The following CELF6 variants were observed in gnomAD, a reference collection of about 807,000 sequenced individuals.
CELF6 encodes Bruno -like 6, RNA binding protein.
A neutral mutation model predicts 53.1 loss-of-function variants in CELF6; 32 were observed. The observed-to-expected ratio is 0.60, with a 90% CI of 0.46 to 0.81. The LOEUF (loss-of-function observed/expected upper bound fraction) is 0.81. Among genes scored for constraint, CELF6 ranks in the 30% least tolerant of loss-of-function variants. The pLI is 0.00. For synonymous variants in CELF6, 291 were observed against 288.8 expected (o/e 1.01, Z -0.08); for missense variants, 539 against 669.5 (o/e 0.81, Z 2.15).
At chr15:72,305,472 G>T (rs1306969574) in intron 2 of CELF6, among the ~76,000 whole-genome samples, 2 of 152,166 alleles carry the variant, frequency 1.3e-5, no homozygotes, top group African/African-American at 2.4e-5. Flanking sequence ...CTCCCAAAGT[G>T]CTGGGATTAC....
rs767694867 is a variant in CELF6, at chr15:72,288,447, G to C, written c.1179C>G (p.Pro393=). 4.3e-6 allele frequency: 7 copies of C among 1,614,102 alleles called. No individual in the cohort carries two copies. Among genetic ancestry groups the C allele is most frequent in the South Asian group, 2.2e-5 (2 of 91,076 alleles). Residue 393 remains proline (P), a synonymous_variant, in exon 11 of 13, where the codon CCC becomes CCG. Coordinates refer to ENST00000287202, the MANE Select transcript of CELF6 (RefSeq NM_052840.5). This position sits in a 1 kb window ranked among gnomAD's most constrained non-coding sequence, Gnocchi z 4.6. ...GATAGATGAAGAGGTTACAGCCTTC[G>C]GGGCCTGGAGGAACAGTAGCAAGCT... The part of the protein sequence containing the change: ...SALPQQQREG[P]EGCNLFIYHL...
chr15:72,310,591 C>A (rs2088282558), intron 2 of CELF6, among the ~76,000 whole-genome samples: 1 of 148,578 alleles, frequency 6.7e-6, no homozygotes, highest in Admixed American at 6.8e-5. Flanking sequence ...AGGGCTCAAG[C>A]AACCCTCCCA....
chr15:72,299,122 C>A (rs984379070), intron 3 of CELF6, among the ~76,000 whole-genome samples: 2 of 151,834 alleles, frequency 1.3e-5, no homozygotes, highest in African/African-American at 4.8e-5. Context: ...GCAGGAGAAT[C>A]TCTTGAACCC....
chr15:72,298,351 A>T (rs1422637750), intron 3 of CELF6, among the ~76,000 whole-genome samples: 3 of 152,254 alleles, frequency 2.0e-5, no homozygotes, highest in Non-Finnish European at 4.4e-5. Context: ...CAATTATAGG[A>T]TAGTGATAGG....
chr15:72,286,781 G>A (rs982306340), intron 12 of CELF6, among the ~76,000 whole-genome samples: 34 of 152,278 alleles, frequency 2.2e-4, no homozygotes, highest in African/African-American at 7.9e-4. Flanking sequence ...CATGTTCACT[G>A]CCACTATCTC....
intron 3 of CELF6, among the ~76,000 whole-genome samples, chr15:72,295,398 A>C (rs962692199): frequency 1.3e-5 from 2 of 151,902 alleles, no homozygotes; most frequent in African/African-American, 4.8e-5. Context: ...CCAGGAGGTG[A>C]AAGACTCATA....
Position 72,289,203 on chromosome 15 carries a change from G to A in CELF6, c.965C>T (p.Thr322Ile). The change falls in exon 8 of 13, where the codon ACC becomes ATC. Residue 322 changes from threonine to isoleucine, a missense_variant. Transcript: ENST00000287202. This position sits in a 1 kb window ranked among gnomAD's most constrained non-coding sequence, Gnocchi z 7.6. ...PIGVNGFGPLTPQTNGQPGSD... is the reference protein window; with the variant it reads ...PIGVNGFGPLIPQTNGQPGSD... ...GCCCGGCTGGCCATTGGTCTGGGGGGTCAGAGGGCCGAATCCATTGACCCC... is the reference window on the plus strand; with the variant it reads ...GCCCGGCTGGCCATTGGTCTGGGGGATCAGAGGGCCGAATCCATTGACCCC... The A allele has an allele frequency of 2.5e-6, 4 of 1,570,844 alleles. No individual in the cohort carries two copies. The highest frequency in any genetic ancestry group is 3.4e-6 in the Non-Finnish European group (4 of 1,166,778).
At chr15:72,305,860 T>G (rs75389178) in intron 2 of CELF6, among the ~76,000 whole-genome samples, 14 of 135,914 alleles carry the variant, frequency 1.0e-4, no homozygotes, top group Admixed American at 3.8e-4. Flanking sequence ...ATTTGTTTTT[T>G]TTTTTTTTTG....
At position 72,319,776 on chromosome 15, in the gene CELF6, G is replaced by A. The variant is rs953773713; in HGVS notation, c.99C>T (p.Asn33=). The A allele has an allele frequency of 7.0e-6, 11 of 1,577,920 alleles. No homozygotes were observed. The highest frequency in any genetic ancestry group is 9.5e-6 in the Non-Finnish European group (11 of 1,161,180). Residue 33 remains asparagine (N), a synonymous_variant, in exon 1 of 13, where the codon AAC becomes AAT. Transcript: ENST00000287202. The surrounding 1 kb of genome is among the most constrained non-coding windows in gnomAD (Gnocchi z 5.0). ...CCTTCATGGGTACGGCGGGACCGGG[G>A]TTTAGCCCGCTCATGCCGACGCCGC... The part of the protein sequence containing the change: ...ADSGVGMSGL[N]PGPAVPMKDH...
chr15:72,314,594 T>G (rs1163571237), intron 2 of CELF6, among the ~76,000 whole-genome samples: 4 of 142,416 alleles, frequency 2.8e-5, no homozygotes, highest in Middle Eastern at 3.4e-3. Context: ...CCAGTGTTTT[T>G]TTTTTTTTTT....
At chr15:72,305,367 C>T (rs989067231) in intron 2 of CELF6, among the ~76,000 whole-genome samples, 16 of 152,064 alleles carry the variant, frequency 1.1e-4, no homozygotes, top group Admixed American at 8.5e-4. Context: ...CCACCAGGCC[C>T]GGCTGATTTT....
chr15:72,300,206 C>G (rs997217503), intron 3 of CELF6, among the ~76,000 whole-genome samples: 3 of 151,720 alleles, frequency 2.0e-5, no homozygotes, highest in African/African-American at 7.3e-5. Flanking sequence ...AATAAAAATA[C>G]AAAAATTAGC....
At position 72,290,246 on chromosome 15, in the gene CELF6, T is replaced by C; in HGVS notation, c.404A>G (p.Lys135Arg). 6.2e-7 allele frequency: 1 copy of C among 1,613,174 alleles called. No individual in the cohort carries two copies. The highest frequency in any genetic ancestry group is 8.5e-7 in the Non-Finnish European group (1 of 1,179,712). The change falls in exon 4 of 13, where the codon AAG (lysine) becomes AGG (arginine). Residue 135 changes from lysine (K) to arginine (R), a missense_variant. Lys to Arg is a conservative substitution (Grantham distance 26). Around this residue, in one of 3 missense-constraint regions of CELF6, gnomAD observed 97 missense variants for 168.8 expected, o/e 0.57. Transcript: ENST00000287202. The stretch of plus-strand genomic sequence containing the variant: ...CTTGCCCAGCATCCCCACAAACAGC[T>C]TTCGGTCCTCTGGGGACAAAGCCAG... Reference protein sequence around the residue: ...AASEGRGEDRKLFVGMLGKQQ... With the variant: ...AASEGRGEDRRLFVGMLGKQQ...
Position 72,287,369 on chromosome 15 carries a change from T to C in CELF6, c.1342A>G (p.Thr448Ala), listed in dbSNP as rs757606553. Reference sequence around the variant, plus strand: ...GCCTGAATAGCAGTCTGGGCACTAGTTGGATTGTCAAAACTAACAAACCCT... The same window carrying C: ...GCCTGAATAGCAGTCTGGGCACTAGCTGGATTGTCAAAACTAACAAACCCT... ...CFGFVSFDNP[T>A]SAQTAIQAMN... Residue 448 changes from threonine to alanine, a missense_variant, in exon 12 of 13, where the codon ACT becomes GCT. Physicochemically the swap from Thr to Ala is moderately conservative, Grantham distance 58. Transcript: ENST00000287202. 1.9e-6 allele frequency: 3 copies of C among 1,614,056 alleles called. No individual in the cohort carries two copies. The highest frequency in any genetic ancestry group is 1.3e-5 in the African/African-American group (1 of 74,948).
chr15:72,294,787 G>T (rs1237095594), intron 3 of CELF6, among the ~76,000 whole-genome samples: 1 of 151,778 alleles, frequency 6.6e-6, no homozygotes, highest in Non-Finnish European at 1.5e-5. Context: ...AGACCAGGCT[G>T]GCCAACATAG....
At chr15:72,294,521 C>G (rs773816663) in intron 3 of CELF6, among the ~76,000 whole-genome samples, 3 of 152,204 alleles carry the variant, frequency 2.0e-5, no homozygotes, top group Non-Finnish European at 2.9e-5. Flanking sequence ...AGAAGAGTCT[C>G]CTGGCCAGAT....
intron 3 of CELF6, 130 bp from the exon 4 acceptor site, chr15:72,290,385 C>T: frequency 8.8e-7 from 1 of 1,136,134 alleles, no homozygotes; most frequent in Non-Finnish European, 1.2e-6. Context: ...AGGCCCTGGG[C>T]TTCCAGGGTT....
Position 72,289,331 on chromosome 15 carries a change from C to T in CELF6, c.880+44G>A. The T allele has an allele frequency of 1.3e-6, 2 of 1,536,736 alleles. No homozygotes were observed. Among genetic ancestry groups the T allele is most frequent in the South Asian group, 1.2e-5 (1 of 84,226 alleles). ...TGAGAGTCAGGCCGCCACCCCGCCC[C>T]GCCCGGCCCCTCCCAGGCGCGCCCC... On this transcript the variant is annotated intron_variant, in intron 7 of 12. Coordinates refer to ENST00000287202, the MANE Select transcript of CELF6 (RefSeq NM_052840.5). This position sits in a 1 kb window ranked among gnomAD's most constrained non-coding sequence, Gnocchi z 7.6.
chr15:72,306,246 G>C, intron 2 of CELF6: 9 of 985,124 alleles, frequency 9.1e-6, no homozygotes, highest in Non-Finnish European at 1.1e-5. Context: ...ATTATTGTTG[G>C]GGGGCAGGCA....
Sources: gnomAD v4.1 joint callset for allele counts (sites outside exome capture counted in the v4.1 genomes callset) on GRCh38, gnomAD v4.1.1 for gene constraint, gnomAD v4.1.1 regional missense constraint, Gnocchi (gnomAD v3.1) non-coding constraint, MANE v1.5 for transcripts, NCBI Gene and HGNC (gene_info 2026-07-23, HGNC 2026-07-21) for gene names.